DMWD: variants seen among roughly 807,000 people sequenced by gnomAD.
DMWD encodes DM1 locus, WD repeat containing.
In DMWD, 19 loss-of-function variants were observed where a neutral mutation model predicts 45.8. The observed-to-expected ratio is 0.41, with a 90% CI of 0.29 to 0.61. The LOEUF (loss-of-function observed/expected upper bound fraction) is 0.61, where lower values mean the gene tolerates loss of function less well. Among genes scored for constraint, DMWD ranks in the 20% least tolerant of loss-of-function variants. The pLI is 0.25. For synonymous variants in DMWD, 515 were observed against 440.5 expected (o/e 1.17, Z -2.12); for missense variants, 802 against 965.2 (o/e 0.83, Z 2.24).
At position 45,783,617 on chromosome 19, in the gene DMWD, CGCTGG is replaced by C. The variant is rs1568590347; in HGVS notation, c.*621_*625del. 1.3e-5 allele frequency: 5 copies of C among 398,812 alleles called. No individual in the cohort carries two copies. Among genetic ancestry groups the C allele is most frequent in the Non-Finnish European group, 2.2e-5 (5 of 226,304 alleles). 24.7% of individuals were successfully genotyped at this position (398,812 alleles called of 1,614,324 possible). A position where few individuals can be genotyped will look rare whatever the true frequency, so the allele number is the denominator to read the frequency against. On this transcript the variant is annotated 3_prime_UTR_variant, in exon 5 of 5. Coordinates refer to ENST00000270223, the MANE Select transcript of DMWD (RefSeq NM_004943.2). Reference sequence around the variant, plus strand: ...TCCTGCTATGAAAAGGGGTGGGAGGCGCTGGGCTGGGAGCAGGCCTGCACTCCTCC... The same window carrying C: ...TCCTGCTATGAAAAGGGGTGGGAGGCGCTGGGAGCAGGCCTGCACTCCTCC...
rs746278379 is a variant in DMWD at position 45,784,697 on chromosome 19, CG to C, written c.1920del (p.Glu641ArgfsTer18). The C allele has an allele frequency of 6.2e-7, 1 of 1,613,754 alleles. No individual in the cohort carries two copies. Among genetic ancestry groups the C allele is most frequent in the Non-Finnish European group, 8.5e-7 (1 of 1,179,752 alleles). On this transcript the variant is annotated frameshift_variant, in exon 4 of 5. Transcript: ENST00000270223. LOFTEE classifies it high-confidence loss of function. ...RPGKAFTDEE[T>X]EAQTGEGSWP... ...CAACTTCCTTCCCCTGTCTGGGCCT[CG>C]GTCTCCTCGTCTGTGAACTACGGAG...
rs1165845862 is a variant in DMWD at position 45,783,461 on chromosome 19, C to T, written c.*782G>A. Reference sequence around the variant, plus strand: ...GCAGTTCTGATAATTTAAAAAACACCGAGGACTTTGATGAGGGGCCCTGGC... The same window carrying T: ...GCAGTTCTGATAATTTAAAAAACACTGAGGACTTTGATGAGGGGCCCTGGC... On this transcript the variant is annotated 3_prime_UTR_variant, in exon 5 of 5. Transcript: ENST00000270223. 7.5e-6 allele frequency: 3 copies of T among 397,696 alleles called. No individual in the cohort carries two copies. The highest frequency in any genetic ancestry group is 4.4e-5 in the Admixed American group (1 of 22,690). The allele number at this position is 397,696 out of a possible 1,614,324, so 24.6% of individuals were successfully genotyped here. A position where few individuals can be genotyped will look rare whatever the true frequency, so the allele number is the denominator to read the frequency against.
Position 45,792,506 on chromosome 19 carries a change from C to T in DMWD, c.251G>A (p.Gly84Asp). 8.7e-7 allele frequency: 1 copy of T among 1,152,962 alleles called. No homozygotes were observed. Among genetic ancestry groups the T allele is most frequent in the Non-Finnish European group, 1.1e-6 (1 of 934,082 alleles). The allele number at this position is 1,152,962 out of a possible 1,614,324, so 71.4% of individuals were successfully genotyped here. A position where few individuals can be genotyped will look rare whatever the true frequency, so the allele number is the denominator to read the frequency against. The change falls in exon 1 of 5, where the codon GGC (glycine) becomes GAC (aspartate). Residue 84 changes from glycine to aspartate, a missense_variant. By Grantham distance (94) the Gly-to-Asp change is moderately conservative (BLOSUM62 -1). Transcript: ENST00000270223. ...GGGCAGGGCGGGCCCGGGTCCGGGGCCTGCGGGCGGCGGGGACGACGCGGG... is the reference window on the plus strand; with the variant it reads ...GGGCAGGGCGGGCCCGGGTCCGGGGTCTGCGGGCGGCGGGGACGACGCGGG... ...AGPASSPPPA[G>D]PGPGPALPAV...
At position 45,785,877 on chromosome 19, in the gene DMWD, T is replaced by C. The variant is rs1970264957; in HGVS notation, c.1619A>G (p.His540Arg). The C allele has an allele frequency of 6.2e-7, 1 of 1,606,158 alleles. No individual in the cohort carries two copies. Among genetic ancestry groups the C allele is most frequent in the East Asian group, 2.2e-5 (1 of 44,872 alleles). The change falls in exon 3 of 5, where the codon CAC (histidine) becomes CGC (arginine). Residue 540 changes from histidine to arginine, a missense_variant. Physicochemically the swap from His to Arg is conservative, Grantham distance 29. Transcript: ENST00000270223. Reference sequence around the variant, plus strand: ...GTTGCCCAGGCTGTGGTAGCGCTTGTGCTCCTTCTCTGCCCCCCGGTCCCG... The same window carrying C: ...GTTGCCCAGGCTGTGGTAGCGCTTGCGCTCCTTCTCTGCCCCCCGGTCCCG... ...ERRDRGAEKE[H>R]KRYHSLGNIS... is the part of the protein sequence containing the mutation.
At chr19:45,785,299 A>G (rs1257672145) in intron 3 of DMWD, 32 of 1,183,300 alleles carry the variant, frequency 2.7e-5, no homozygotes, top group Non-Finnish European at 3.0e-5. Context: ...ACAGGCAGTA[A>G]GACCTGGCCA....
In DMWD at chr19:45,786,749, C is replaced by A. The variant is rs756878223; in HGVS notation, c.747G>T (p.Ser249=). Residue 249 remains serine, a synonymous_variant, in exon 3 of 5, where the codon TCG becomes TCT. Transcript: ENST00000270223. The part of the protein sequence containing the change: ...YLYNVSHPCA[S]APPQYSLLKQ... ...TCAGCAGGCTGTACTGGGGCGGGGC[C>A]GAGGCGCAGGGGTGGCTGACGTTGT... 6.2e-7 allele frequency: 1 copy of A among 1,613,952 alleles called. No individual in the cohort carries two copies. The highest frequency in any genetic ancestry group is 1.1e-5 in the South Asian group (1 of 91,074).
rs1970299213 is a variant in DMWD at position 45,787,625 on chromosome 19, T to C, written c.625-754A>G. On this transcript the variant is annotated intron_variant, in intron 2 of 4. Coordinates refer to ENST00000270223, the MANE Select transcript of DMWD (RefSeq NM_004943.2). The stretch of plus-strand genomic sequence containing the variant: ...TTTGGTTCACTATTCTTTAAAGCAG[T>C]GCACACAGGAGGCAGCTTGAAGGTA... Among the ~76,000 whole-genome samples, 3 of 152,208 alleles carry C rather than the reference T, an allele frequency of 2.0e-5. No homozygotes were observed. The South Asian group carries it at 6.2e-4, about 32-fold the overall frequency.
chr19:45,785,990 C>A lies in DMWD; in HGVS notation c.1506G>T (p.Gly502=). Reference sequence around the variant, plus strand: ...CCACACCCGGGCCGCCCGCCTTGCCCCCGCCAGCTGGGTGCGGGAGACTGT... The same window carrying A: ...CCACACCCGGGCCGCCCGCCTTGCCACCGCCAGCTGGGTGCGGGAGACTGT... ...RSNSLPHPAG[G]GKAGGPGVAA... Residue 502 remains glycine, a synonymous_variant, in exon 3 of 5, where the codon GGG becomes GGT. Coordinates refer to ENST00000270223, the MANE Select transcript of DMWD (RefSeq NM_004943.2). 1 of 1,569,082 alleles carries A rather than the reference C, an allele frequency of 6.4e-7. No individual in the cohort carries two copies. Among genetic ancestry groups the A allele is most frequent in the Non-Finnish European group, 8.6e-7 (1 of 1,158,338 alleles).
chr19:45,783,436 G>T lies in DMWD; in HGVS notation c.*807C>A. 2.5e-6 allele frequency: 1 copy of T among 397,112 alleles called. No homozygotes were observed. The highest frequency in any genetic ancestry group is 4.4e-6 in the Non-Finnish European group (1 of 225,650). The allele number at this position is 397,112 out of a possible 1,614,324, so 24.6% of individuals were successfully genotyped here. On this transcript the variant is annotated 3_prime_UTR_variant, in exon 5 of 5. Transcript: ENST00000270223. ...CAGGGCCTGGGAAACGTGGTCCTGG[G>T]CAGTTCTGATAATTTAAAAAACACC... is the stretch of plus-strand genomic sequence containing the variant.
intron 2 of DMWD, chr19:45,787,189 C>T (rs1970291715): frequency 4.6e-6 from 2 of 436,102 alleles, no homozygotes; most frequent in African/African-American, 4.0e-5. Flanking sequence ...TCCTCAACCT[C>T]CGGGCCATGG....
In DMWD at chr19:45,786,782, C is replaced by A; in HGVS notation, c.714G>T (p.Leu238=). The A allele has an allele frequency of 6.2e-7, 1 of 1,614,158 alleles. No homozygotes were observed. The highest frequency in any genetic ancestry group is 8.5e-7 in the Non-Finnish European group (1 of 1,180,036). ...LFLASHASGH[L]YLYNVSHPCA... ...AGGGGTGGCTGACGTTGTACAGGTACAGGTGGCCACTGGCGTGTGATGCCA... is the reference window on the plus strand; with the variant it reads ...AGGGGTGGCTGACGTTGTACAGGTAAAGGTGGCCACTGGCGTGTGATGCCA... Residue 238 remains leucine (L), a synonymous_variant, in exon 3 of 5, where the codon CTG becomes CTT. Transcript: ENST00000270223.
chr19:45,784,286 A>G lies in DMWD; in HGVS notation c.1982T>C (p.Ile661Thr), dbSNP rs760895778. Reference sequence around the variant, plus strand: ...CGGGGAGTTGCCTGGTTGGGAGGAGATGCCCTGGGGAAGATGAGAGGGAGA... The same window carrying G: ...CGGGGAGTTGCCTGGTTGGGAGGAGGTGCCCTGGGGAAGATGAGAGGGAGA... ...RSPSKSVVEG[I>T]SSQPGNSPSG... The change falls in exon 5 of 5, where the codon ATC (isoleucine) becomes ACC (threonine). Residue 661 changes from isoleucine (I) to threonine (T), a missense_variant. By Grantham distance (89) the Ile-to-Thr change is moderately conservative. Coordinates refer to ENST00000270223, the MANE Select transcript of DMWD (RefSeq NM_004943.2). The G allele has an allele frequency of 1.3e-6, 2 of 1,512,738 alleles. No individual in the cohort carries two copies. The highest frequency in any genetic ancestry group is 1.8e-6 in the Non-Finnish European group (2 of 1,131,200). The allele number at this position is 1,512,738 out of a possible 1,614,324, so 93.7% of individuals were successfully genotyped here.
intron 2 of DMWD, chr19:45,787,236 A>G (rs1600463640): frequency 3.2e-6 from 1 of 316,218 alleles, no homozygotes; most frequent in East Asian, 8.0e-5. Context: ...GAACCAGGCC[A>G]TGCAGCAGGA....
At position 45,784,095 on chromosome 19, in the gene DMWD, G is replaced by T. The variant is rs1411161964; in HGVS notation, c.*148C>A. On this transcript the variant is annotated 3_prime_UTR_variant, in exon 5 of 5. Transcript: ENST00000270223. ...CGCCCGTGTCCGGGCCAGTCTGGGG[G>T]GCCCCCAAATTTTGTGCAGGTGGGG... 6.9e-6 allele frequency: 5 copies of T among 726,794 alleles called. No homozygotes were observed. Among genetic ancestry groups the T allele is most frequent in the Non-Finnish European group, 1.2e-5 (5 of 413,874 alleles). 45.0% of individuals were successfully genotyped at this position (726,794 alleles called of 1,614,324 possible).
At chr19:45,787,011 C>T (rs1208734640) in intron 2 of DMWD, 140 bp from the exon 3 acceptor site, 44 of 1,404,412 alleles carry the variant, frequency 3.1e-5, no homozygotes, top group Admixed American at 5.1e-5. Flanking sequence ...AGGTCCTCCT[C>T]GGAGAGAAGC....
In DMWD at chr19:45,791,886, A is replaced by G. The variant is rs536505872; in HGVS notation, c.441+430T>C. On this transcript the variant is annotated intron_variant, in intron 1 of 4. Coordinates refer to ENST00000270223, the MANE Select transcript of DMWD (RefSeq NM_004943.2). ...CCCCATCACTTCTAGACTTCTCCTC[A>G]TTCCTGGGCTCAATCTCAAGACCCC... Among the ~76,000 whole-genome samples, 14 of 151,868 alleles carry G rather than the reference A, an allele frequency of 9.2e-5. No individual in the cohort carries two copies. The South Asian group carries it at 2.7e-3, about 29-fold the overall frequency.
rs1600460712 is a variant in DMWD at position 45,784,441 on chromosome 19, C to A, written c.1978-151G>T. The stretch of plus-strand genomic sequence containing the variant: ...GCCCTAGACCCCCCAGAGGCCACTG[C>A]TCTAGGCTGGGAACTTGCATCTTAG... On this transcript the variant is annotated intron_variant, in intron 4 of 4. Coordinates refer to ENST00000270223, the MANE Select transcript of DMWD (RefSeq NM_004943.2). 2.4e-6 allele frequency: 3 copies of A among 1,255,032 alleles called. No individual in the cohort carries two copies. In the African/African-American group the frequency reaches 4.5e-5, roughly 19 times the overall value. 77.7% of individuals were successfully genotyped at this position (1,255,032 alleles called of 1,614,324 possible). A position where few individuals can be genotyped will look rare whatever the true frequency, so the allele number is the denominator to read the frequency against.
chr19:45,788,484 A>T (rs1159852828), intron 2 of DMWD, among the ~76,000 whole-genome samples: 1 of 152,248 alleles, frequency 6.6e-6, no homozygotes, highest in Non-Finnish European at 1.5e-5. Context: ...AGAGTAAGGC[A>T]AAATCTCTCC....
intron 2 of DMWD, among the ~76,000 whole-genome samples, chr19:45,788,639 TC>T (rs1013483174): frequency 1.3e-5 from 2 of 152,172 alleles, no homozygotes; most frequent in Non-Finnish European, 2.9e-5. Flanking sequence ...ACTCAGAATG[TC>T]CTTCTTGGCT....
Sources: allele counts gnomAD v4.1 joint callset (sites outside exome capture counted in the v4.1 genomes callset), GRCh38; gene constraint gnomAD v4.1.1; transcripts MANE v1.5; gene names NCBI Gene and HGNC (gene_info 2026-07-23, HGNC 2026-07-21).